NRG1: variants seen among roughly 807,000 people sequenced by gnomAD.
NRG1 encodes the protein pro-neuregulin-1, membrane-bound isoform.
NRG1 carries 18 observed loss-of-function variants against 63.8 expected under a neutral mutation model. The ratio of observed to expected loss-of-function variants is 0.28; its 90% CI spans 0.19 to 0.42. NRG1 has a LOEUF of 0.42. Among genes scored for constraint, NRG1 ranks in the 10% least tolerant of loss-of-function variants. NRG1 has a pLI of 1.00. For synonymous variants in NRG1, 302 were observed against 301.3 expected, an observed-to-expected ratio of 1.00 and a Z score of -0.02; for missense variants, 762 against 814.7, an observed-to-expected ratio of 0.94 and a Z score of 0.79.
At chr8:32,315,932 T>A (rs1207240172) in intron 1 of NRG1, among the ~76,000 whole-genome samples, 1 of 144,342 alleles carries the variant, frequency 6.9e-6, no homozygotes, top group Non-Finnish European at 1.5e-5. Context: ...TCATGTACCC[T>A]GTATTTTGCT....
chr8:32,505,464 G>A (rs775153894), intron 1 of NRG1, among the ~76,000 whole-genome samples: 4 of 152,098 alleles, frequency 2.6e-5, no homozygotes, highest in African/African-American at 4.8e-5. Flanking sequence ...AAAGGTATAC[G>A]TGCTCCAAAA....
intron 1 of NRG1, among the ~76,000 whole-genome samples, chr8:32,549,504 T>C (rs1309751429): frequency 6.6e-6 from 1 of 152,208 alleles, no homozygotes; most frequent in Non-Finnish European, 1.5e-5. Context: ...CCAAACAAGT[T>C]CTACAAACTT....
At chr8:31,951,031 A>G in intron 1 of NRG1, among the ~76,000 whole-genome samples, 1 of 152,230 alleles carries the variant, frequency 6.6e-6, no homozygotes, top group East Asian at 1.9e-4. Context: ...TAATCCTCTT[A>G]TTAACTTCAT....
chr8:32,616,931 A>G (rs1847479647), intron 5 of NRG1, 46 bp downstream of exon 5: 1 of 1,383,728 alleles, frequency 7.2e-7, no homozygotes, highest in East Asian at 2.3e-5. Context: ...AACCCAAGGC[A>G]CTATCTGCTT....
intron 1 of NRG1, among the ~76,000 whole-genome samples, chr8:31,862,932 T>C (rs1395819792): frequency 2.0e-5 from 3 of 152,206 alleles, no homozygotes; most frequent in Non-Finnish European, 4.4e-5. Context: ...TGTAGTGTTG[T>C]CTATTATATC....
chr8:31,860,192 T>C (rs959314677), intron 1 of NRG1, among the ~76,000 whole-genome samples: 2 of 152,224 alleles, frequency 1.3e-5, no homozygotes, highest in Non-Finnish European at 2.9e-5. Context: ...CTTTGTGATA[T>C]AGTCTCCAAA....
intron 1 of NRG1, among the ~76,000 whole-genome samples, chr8:32,352,549 T>C (rs1259745691): frequency 6.6e-6 from 1 of 151,990 alleles, no homozygotes; most frequent in Non-Finnish European, 1.5e-5. Context: ...ATTGAACAAA[T>C]GAAGAAAGGG....
chr8:31,674,653 T>C (rs1182308854), intron 1 of NRG1, among the ~76,000 whole-genome samples: 2 of 152,224 alleles, frequency 1.3e-5, no homozygotes, highest in East Asian at 3.9e-4. Flanking sequence ...ATGAAGTCCC[T>C]AGTGATACCT....
intron 1 of NRG1, among the ~76,000 whole-genome samples, chr8:31,992,232 G>A (rs1811221493): frequency 6.6e-6 from 1 of 151,874 alleles, no homozygotes; most frequent in Non-Finnish European, 1.5e-5. Context: ...AACAGAAAAT[G>A]GGAGGAATTC....
downstream of NRG1, among the ~76,000 whole-genome samples, chr8:32,771,994 G>GC (rs1348579095): frequency 1.5e-5 from 2 of 130,262 alleles, no homozygotes; most frequent in Non-Finnish European, 3.2e-5. Context: ...TTGCACTCCA[G>GC]CCTTGGTGAC....
At chr8:32,584,738 A>G (rs996710124) in intron 1 of NRG1, among the ~76,000 whole-genome samples, 8 of 152,328 alleles carry the variant, frequency 5.3e-5, no homozygotes, top group African/African-American at 1.9e-4. Context: ...TTTTTCACAG[A>G]AGGAATAAGC....
chr8:32,366,679 A>G (rs4623368), intron 1 of NRG1, among the ~76,000 whole-genome samples: 593 of 5,168 alleles, frequency 0.11, 5 homozygotes, highest in African/African-American at 0.17. Context: ...GTGTGTGTGT[A>G]TATATATATA....
intron 1 of NRG1, among the ~76,000 whole-genome samples, chr8:31,912,316 G>A (rs963826049): frequency 6.6e-6 from 1 of 152,044 alleles, no homozygotes; most frequent in African/African-American, 2.4e-5. Context: ...TACTATCTAG[G>A]AGTTGTGGGG....
At chr8:32,489,116 T>C (rs183327418) in intron 1 of NRG1, among the ~76,000 whole-genome samples, 70 of 152,330 alleles carry the variant, frequency 4.6e-4, no homozygotes, top group African/African-American at 1.6e-3. Flanking sequence ...TGCTGGCCTA[T>C]TTCCAGCACT....
intron 1 of NRG1, among the ~76,000 whole-genome samples, chr8:32,430,675 C>A (rs1366090284): frequency 6.6e-6 from 1 of 152,074 alleles, no homozygotes; most frequent in East Asian, 1.9e-4. Flanking sequence ...AATGGTGAAG[C>A]AGCTACAGAA....
chr8:32,086,752 T>A (rs1010182476), intron 1 of NRG1, among the ~76,000 whole-genome samples: 1 of 152,142 alleles, frequency 6.6e-6, no homozygotes, highest in Non-Finnish European at 1.5e-5. Flanking sequence ...AAAAGATGTG[T>A]TATAAATTTC....
chr8:32,555,769 C>T (rs4568578), intron 1 of NRG1, among the ~76,000 whole-genome samples: 48,659 of 152,118 alleles, frequency 0.32, 8,645 homozygotes, highest in East Asian at 0.79. Flanking sequence ...CCGCGCCCGG[C>T]GGGGCTGATA....
chr8:32,038,115 C>T (rs529431390), intron 1 of NRG1, among the ~76,000 whole-genome samples: 1 of 152,252 alleles, frequency 6.6e-6, no homozygotes, highest in Non-Finnish European at 1.5e-5. Context: ...GTTTTGGACC[C>T]AAGGCCCTTG....
intron 5 of NRG1, among the ~76,000 whole-genome samples, chr8:32,726,055 C>T (rs1822095752): frequency 6.6e-6 from 1 of 151,938 alleles, no homozygotes; most frequent in African/African-American, 2.4e-5. Flanking sequence ...CTTTGTAAGC[C>T]TGGAAAAGAT....
Sources: allele counts gnomAD v4.1 joint callset (sites outside exome capture counted in the v4.1 genomes callset), GRCh38; gene constraint gnomAD v4.1.1; transcripts MANE v1.5; gene names NCBI Gene and HGNC (gene_info 2026-07-23, HGNC 2026-07-21).